The following TTC28 variants were observed in gnomAD, a reference collection of about 807,000 sequenced individuals.
TTC28 encodes the protein tetratricopeptide repeat domain 28.
In TTC28, 61 loss-of-function variants were observed where a neutral mutation model predicts 198.0. The observed-to-expected ratio is 0.31, with a 90% CI of 0.25 to 0.38. The LOEUF (loss-of-function observed/expected upper bound fraction) is 0.38. Ranked by LOEUF, TTC28 falls within the 10% of genes least tolerant of loss-of-function variation. TTC28 has a pLI of 1.00. For missense variants in TTC28, 2,678 were observed against 3,164.0 expected, an observed-to-expected ratio of 0.85 and a Z score of 3.69; for synonymous variants, 1,171 against 1,297.8, an observed-to-expected ratio of 0.90 and a Z score of 2.10.
intron 6 of TTC28, among the ~76,000 whole-genome samples, chr22:28,145,294 C>G (rs1393531581): frequency 6.6e-6 from 1 of 152,042 alleles, no homozygotes; most frequent in African/African-American, 2.4e-5. Context: ...AAAACTGAGG[C>G]CCAGGAAAGT....
At chr22:28,526,316 G>A (rs376527128) in intron 2 of TTC28, among the ~76,000 whole-genome samples, 7 of 151,950 alleles carry the variant, frequency 4.6e-5, no homozygotes, top group African/African-American at 1.2e-4. Context: ...AATTTTTTTC[G>A]ATAATAAAAT....
chr22:28,047,897 G>A (rs921789993), intron 12 of TTC28, among the ~76,000 whole-genome samples: 1 of 152,144 alleles, frequency 6.6e-6, no homozygotes, highest in African/African-American at 2.4e-5. Context: ...ATTGCTGGTA[G>A]GCATGAAGGA....
intron 3 of TTC28, among the ~76,000 whole-genome samples, chr22:28,298,623 A>G (rs938004214): frequency 2.6e-5 from 4 of 152,024 alleles, no homozygotes; most frequent in Non-Finnish European, 5.9e-5. Context: ...TAATTTTCAA[A>G]AAATTTTTGT....
chr22:28,064,285 C>G (rs1347854458), intron 12 of TTC28, among the ~76,000 whole-genome samples: 1 of 152,086 alleles, frequency 6.6e-6, no homozygotes, highest in African/African-American at 2.4e-5. Flanking sequence ...TCTTGGGAGT[C>G]TGGTGGTATC....
At chr22:28,409,411 C>T (rs866133511) in intron 2 of TTC28, among the ~76,000 whole-genome samples, 9 of 152,062 alleles carry the variant, frequency 5.9e-5, no homozygotes, top group Non-Finnish European at 1.3e-4. Flanking sequence ...GCATCATATC[C>T]TGAGACCATT....
At chr22:28,088,132 T>G (rs1179174927) in intron 12 of TTC28, among the ~76,000 whole-genome samples, 2 of 152,116 alleles carry the variant, frequency 1.3e-5, no homozygotes, top group African/African-American at 4.8e-5. Context: ...AAGCTACCAA[T>G]GACTTTCTTC....
intron 8 of TTC28, among the ~76,000 whole-genome samples, chr22:28,103,803 T>C (rs1370477824): frequency 2.0e-5 from 3 of 152,226 alleles, no homozygotes; most frequent in East Asian, 1.9e-4. Flanking sequence ...TTCATGGAAA[T>C]AGTATTTCAG....
intron 5 of TTC28, among the ~76,000 whole-genome samples, chr22:28,256,421 CAAAA>C (rs60958364): frequency 6.1e-5 from 4 of 65,302 alleles, no homozygotes; most frequent in Admixed American, 1.8e-4. Flanking sequence ...AACTCCGTCT[CAAAA>C]AAAAAAAAAA....
rs573672595 is a variant in TTC28, at chr22:28,051,008, C to T, written c.3933-20642G>A. 1.1e-4 allele frequency among the ~76,000 whole-genome samples: 16 copies of T among 152,162 alleles called. No individual in the cohort carries two copies. In the South Asian group the frequency reaches 2.9e-3, roughly 28 times the overall value. ...TAAATTTCTATACAAATAGTGTCAC[C>T]AAGAGCTATCAAACTGAGTCTATTT... is the stretch of plus-strand genomic sequence containing the variant. On this transcript the variant is annotated intron_variant, in intron 12 of 22. Transcript: ENST00000397906.
At chr22:28,609,800 T>G (rs898376483) in intron 2 of TTC28, among the ~76,000 whole-genome samples, 2 of 152,260 alleles carry the variant, frequency 1.3e-5, no homozygotes, top group Admixed American at 1.3e-4. Context: ...CTTGGTGGGT[T>G]CCACCCACAC....
chr22:28,302,543 T>C (rs763885534), intron 3 of TTC28, among the ~76,000 whole-genome samples: 3 of 152,216 alleles, frequency 2.0e-5, no homozygotes, highest in Non-Finnish European at 4.4e-5. Flanking sequence ...ATAATTTCTC[T>C]CTACGGATAC....
intron 2 of TTC28, among the ~76,000 whole-genome samples, chr22:28,404,409 G>A (rs903656818): frequency 3.3e-5 from 5 of 152,102 alleles, no homozygotes; most frequent in Admixed American, 1.3e-4. Flanking sequence ...GAGACACCGC[G>A]CCCGGCCTAT....
intron 2 of TTC28, among the ~76,000 whole-genome samples, chr22:28,410,955 A>T (rs1396936112): frequency 6.6e-6 from 1 of 152,008 alleles, no homozygotes; most frequent in Non-Finnish European, 1.5e-5. Flanking sequence ...GGATGAAATT[A>T]AAACAAAACA....
At chr22:28,544,400 T>A (rs1444659240) in intron 2 of TTC28, among the ~76,000 whole-genome samples, 1 of 152,200 alleles carries the variant, frequency 6.6e-6, no homozygotes, top group East Asian at 1.9e-4. Context: ...GATCCATTCA[T>A]AATATACTTT....
In TTC28 at chr22:27,981,198, G is replaced by C. The variant is rs990116570; in HGVS notation, c.*1023C>G. The C allele has an allele frequency of 6.8e-6, 1 of 147,566 alleles. No individual in the cohort carries two copies. Among genetic ancestry groups the C allele is most frequent in the South Asian group, 2.2e-4 (1 of 4,606 alleles). The allele number at this position is 147,566 out of a possible 1,614,324, so 9.1% of individuals were successfully genotyped here. ...AAAAGGGAACAGGAGCCTGGAAGGC[G>C]GGATTCTGGTTAAATCTAGTTAGCC... On this transcript the variant is annotated 3_prime_UTR_variant, in exon 23 of 23. Transcript: ENST00000397906.
intron 2 of TTC28, among the ~76,000 whole-genome samples, chr22:28,586,023 G>C (rs1170476843): frequency 6.6e-6 from 1 of 151,822 alleles, no homozygotes; most frequent in Non-Finnish European, 1.5e-5. Flanking sequence ...GCTCATGCCT[G>C]TAATCCCAGC....
intron 2 of TTC28, among the ~76,000 whole-genome samples, chr22:28,395,309 C>G (rs950863943): frequency 2.6e-5 from 4 of 152,164 alleles, no homozygotes; most frequent in African/African-American, 9.7e-5. Context: ...TTCCCTGCCT[C>G]CCTACTTCCT....
At chr22:28,363,848 T>A (rs981358274) in intron 2 of TTC28, among the ~76,000 whole-genome samples, 1 of 152,186 alleles carries the variant, frequency 6.6e-6, no homozygotes, top group Non-Finnish European at 1.5e-5. Context: ...ATTTCTTCCA[T>A]TTGGAATGGC....
In TTC28 at chr22:27,989,942, A is replaced by C. The variant is rs922715017; in HGVS notation, c.5643T>G (p.Ile1881Met). Residue 1881 changes from isoleucine (I) to methionine (M), a missense_variant, in exon 21 of 23, where the codon ATT becomes ATG. This residue lies in a region of TTC28 where 314 missense variants were observed against 442.7 expected (regional missense o/e 0.71). Coordinates refer to ENST00000397906, the MANE Select transcript of TTC28 (RefSeq NM_001145418.2). ...ACAGCTGGACGCTGATGGAGACCTGAATGGGAGCTGATGCCAAGTCCTGCT... is the reference window on the plus strand; with the variant it reads ...ACAGCTGGACGCTGATGGAGACCTGCATGGGAGCTGATGCCAAGTCCTGCT... The part of the protein sequence containing the change: ...EKEQDLASAP[I>M]QVSISVQLWR... 3.9e-6 allele frequency: 6 copies of C among 1,551,386 alleles called. No homozygotes were observed. The highest frequency in any genetic ancestry group is 5.2e-6 in the Non-Finnish European group (6 of 1,146,940).
Sources: gnomAD v4.1 joint callset for allele counts (sites outside exome capture counted in the v4.1 genomes callset) on GRCh38, gnomAD v4.1.1 for gene constraint, gnomAD v4.1.1 regional missense constraint, MANE v1.5 for transcripts, NCBI Gene and HGNC (gene_info 2026-07-23, HGNC 2026-07-21) for gene names.